Variants in C4orf50 observed in about 807,000 individuals in gnomAD.
C4orf50 encodes chromosome 4 open reading frame 50, also known as uncharacterized protein C4orf50.
In C4orf50, 80 loss-of-function variants were observed where a neutral mutation model predicts 77.2. That is an observed-to-expected ratio of 1.04 (90% CI 0.87 to 1.25). C4orf50 has a LOEUF of 1.25. Among genes scored for constraint, C4orf50 ranks in the 50% most tolerant of loss-of-function variants. C4orf50 has a pLI of 0.00. For missense variants in C4orf50, 1,257 were observed against 1,152.9 expected, an observed-to-expected ratio of 1.09 and a Z score of -1.31; for synonymous variants, 532 against 465.3, an observed-to-expected ratio of 1.14 and a Z score of -1.84.
intron 7 of C4orf50, among the ~76,000 whole-genome samples, chr4:5,951,590 C>T (rs532064008): frequency 9.2e-5 from 14 of 152,278 alleles, no homozygotes; most frequent in African/African-American, 2.2e-4. Flanking sequence ...GTGAAATTTA[C>T]GGCCCTGTTA....
intron 7 of C4orf50, among the ~76,000 whole-genome samples, chr4:5,918,093 G>A (rs923333493): frequency 1.3e-5 from 2 of 152,130 alleles, no homozygotes; most frequent in Non-Finnish European, 2.9e-5. Flanking sequence ...AGGAAGCTCC[G>A]GGAAGAAGCC....
intron 30 of C4orf50, among the ~76,000 whole-genome samples, chr4:5,975,224 T>C (rs67308891): frequency 0.29 from 35,332 of 122,384 alleles, 4,440 homozygotes; most frequent in Middle Eastern, 0.38. Context: ...AAAGAGAGAG[T>C]GATAGAAAGG....
rs958345873 is a variant in C4orf50 at position 5,992,664 on chromosome 4, A to G, written c.1221+139T>C. 1 of 385,570 alleles carries G rather than the reference A, an allele frequency of 2.6e-6. No homozygotes were observed. Among genetic ancestry groups the G allele is most frequent in the East Asian group, 3.7e-5 (1 of 27,086 alleles). The allele number at this position is 385,570 out of a possible 1,614,324, so 23.9% of individuals were successfully genotyped here. On this transcript the variant is annotated intron_variant, in intron 27 of 33. Coordinates refer to ENST00000531445, the Ensembl canonical transcript of C4orf50. The surrounding 1 kb of genome is among the most constrained non-coding windows in gnomAD (Gnocchi z 5.0). ...TTCCTCTCCTCAAATCTCTCTCTCA[A>G]CTACTTCCAGAATGTTCTCCCAGAC...
downstream of C4orf50, among the ~76,000 whole-genome samples, chr4:5,952,783 C>T (rs564528336): frequency 1.1e-4 from 16 of 152,304 alleles, no homozygotes; most frequent in Admixed American, 2.6e-4. This position sits in a 1 kb window ranked among gnomAD's most constrained non-coding sequence, Gnocchi z 4.4. Context: ...GAGGAAGGAG[C>T]GTGCTCAGAG....
chr4:5,962,388 C>G (rs1182597188), intron 33 of C4orf50, among the ~76,000 whole-genome samples: 1 of 152,216 alleles, frequency 6.6e-6, no homozygotes, highest in African/African-American at 2.4e-5. Context: ...AACTTGGAAC[C>G]ATAAGGGTAT....
At chr4:6,006,300 G>C (rs1441167298) in intron 25 of C4orf50, among the ~76,000 whole-genome samples, 1 of 152,178 alleles carries the variant, frequency 6.6e-6, no homozygotes, top group Non-Finnish European at 1.5e-5. Context: ...TTTGGGCTAA[G>C]GTTGCTCACT....
At chr4:5,910,022 T>A (rs1716734134) in intron 7 of C4orf50, among the ~76,000 whole-genome samples, 1 of 152,218 alleles carries the variant, frequency 6.6e-6, no homozygotes, top group Admixed American at 6.5e-5. Context: ...CTAGAATTTT[T>A]TTTTCTATCT....
intron 7 of C4orf50, among the ~76,000 whole-genome samples, chr4:5,951,528 AGC>A (rs1577923557): frequency 1.3e-5 from 2 of 152,214 alleles, no homozygotes; most frequent in East Asian, 3.8e-4. Context: ...AACCTTCATG[AGC>A]AAAGAAATAC....
At chr4:5,949,376 C>T (rs770699059) in intron 7 of C4orf50, among the ~76,000 whole-genome samples, 16 of 152,162 alleles carry the variant, frequency 1.1e-4, no homozygotes, top group Non-Finnish European at 2.2e-4. Flanking sequence ...AAGGAAATGC[C>T]GGCCCACGCT....
At chr4:6,003,617 GATGGTGGTGATGACGGTGATGATGTGATA>G (rs1382078736) in intron 25 of C4orf50, among the ~76,000 whole-genome samples, 20 of 141,866 alleles carry the variant, frequency 1.4e-4, no homozygotes, top group East Asian at 2.1e-4. Context: ...TGATGATGGT[GATGGTGGTGATGACGGTGATGATGTGATA>G]GTGATGATGG....
chr4:5,918,702 G>A (rs1431744887), intron 7 of C4orf50, among the ~76,000 whole-genome samples: 1 of 152,210 alleles, frequency 6.6e-6, no homozygotes, highest in Non-Finnish European at 1.5e-5. Context: ...GGCATACTAA[G>A]GAAAATGATG....
intron 25 of C4orf50, among the ~76,000 whole-genome samples, chr4:5,996,398 C>T (rs1192789373): frequency 2.0e-5 from 3 of 152,148 alleles, no homozygotes; most frequent in South Asian, 4.1e-4. Flanking sequence ...TCGACGCTTC[C>T]TGTTACACTG....
chr4:5,923,124 C>A (rs890980797), intron 7 of C4orf50, among the ~76,000 whole-genome samples: 1 of 152,162 alleles, frequency 6.6e-6, no homozygotes, highest in East Asian at 1.9e-4. Context: ...AGGGACCTGA[C>A]ATTTTGCACG....
intron 30 of C4orf50, among the ~76,000 whole-genome samples, chr4:5,975,420 G>A (rs1258835379): frequency 6.6e-6 from 1 of 152,094 alleles, no homozygotes; most frequent in Non-Finnish European, 1.5e-5. Context: ...GAAACGTACT[G>A]GAGGAAAAGA....
intron 7 of C4orf50, among the ~76,000 whole-genome samples, chr4:5,939,260 A>G (rs943256214): frequency 6.6e-6 from 1 of 152,178 alleles, no homozygotes; most frequent in African/African-American, 2.4e-5. Context: ...AAAGAAAGAA[A>G]GAAAGAAAGA....
Position 5,916,589 on chromosome 4 carries a change from C to T in C4orf50, c.*2475-18401G>A, listed in dbSNP as rs1269595614. Among the ~76,000 whole-genome samples the T allele has an allele frequency of 6.6e-6, 1 of 152,188 alleles. No individual in the cohort carries two copies. The highest frequency in any genetic ancestry group is 2.4e-5 in the African/African-American group (1 of 41,458). The stretch of plus-strand genomic sequence containing the variant: ...TAAAAGCTGCCTGTCTTGGATTGGG[C>T]ACCCTCAAAAGCAGAGCCTGAGACC... On this transcript the variant is annotated intron_variant, in intron 7 of 7. Transcript: ENST00000324058. The surrounding 1 kb of genome is among the most constrained non-coding windows in gnomAD (Gnocchi z 4.4).
intron 31 of C4orf50, among the ~76,000 whole-genome samples, chr4:5,968,276 T>C (rs1467471761): frequency 6.6e-6 from 1 of 152,222 alleles, no homozygotes; most frequent in African/African-American, 2.4e-5. Flanking sequence ...TGACTCCACC[T>C]GGCAGAGTTC....
chr4:5,966,115 TA>T (rs1450464765), intron 32 of C4orf50, among the ~76,000 whole-genome samples: 1 of 152,082 alleles, frequency 6.6e-6, no homozygotes, highest in Admixed American at 6.5e-5. Flanking sequence ...ACTATTGAAA[TA>T]AAAAAGAGTA....
chr4:5,934,726 A>C (rs1227190168), intron 7 of C4orf50, among the ~76,000 whole-genome samples: 2 of 152,216 alleles, frequency 1.3e-5, no homozygotes, highest in African/African-American at 4.8e-5. Flanking sequence ...GCCTAGAACG[A>C]GGGTTTACTT....
Sources: gnomAD v4.1 joint callset for allele counts (sites outside exome capture counted in the v4.1 genomes callset) on GRCh38, gnomAD v4.1.1 for gene constraint, Gnocchi (gnomAD v3.1) non-coding constraint, MANE v1.5 for transcripts, NCBI Gene and HGNC (gene_info 2026-07-23, HGNC 2026-07-21) for gene names.